Variants in NELFE observed in about 807,000 individuals in gnomAD.
The protein encoded by NELFE is negative elongation factor complex member E.
In NELFE, 26 loss-of-function variants were observed where a neutral mutation model predicts 55.5. That is an observed-to-expected ratio of 0.47 (90% confidence interval 0.34 to 0.65). NELFE has a LOEUF of 0.65. NELFE is among the 30% of genes least tolerant of loss of function. NELFE has a pLI of 0.01. For synonymous variants in NELFE, 162 were observed against 178.0 expected, an observed-to-expected ratio of 0.91 and a Z score of 0.72; for missense variants, 403 against 506.9, an observed-to-expected ratio of 0.80 and a Z score of 1.97.
In NELFE at chr6:31,952,320, T is replaced by C. The variant is rs1349319973; in HGVS notation, c.1124A>G (p.Asn375Ser). 5.0e-6 allele frequency: 8 copies of C among 1,613,404 alleles called. No individual in the cohort carries two copies. The South Asian group carries it at 8.8e-5, about 18-fold the overall frequency. The stretch of plus-strand genomic sequence containing the variant: ...TGTTCCCTAGAAGCCATCCACAAGG[T>C]TTTCCTTGTAGACGTCATCACTGTA... ...IVYSDDVYKENLVDGF is the reference protein window; with the variant it reads ...IVYSDDVYKESLVDGF The change falls in exon 11 of 11, where the codon AAC becomes AGC. Residue 375 changes from asparagine to serine, a missense_variant. Physicochemically the swap from Asn to Ser is conservative, Grantham distance 46 (BLOSUM62 1). Around this residue, in one of 3 missense-constraint regions of NELFE, gnomAD observed 77 missense variants for 123.3 expected, o/e 0.62. Transcript: ENST00000375429.
Position 31,958,432 on chromosome 6 carries a change from G to A in NELFE, c.15C>T (p.Pro5=). Residue 5 remains proline, a synonymous_variant, in exon 2 of 11, where the codon CCC becomes CCT. Transcript: ENST00000375429. The part of the protein sequence containing the change: MLVI[P]PGLSEEEEAL... ...CCTCCTCTTCCTCGCTCAGTCCGGG[G>A]GGTATCACCAACATGGTGGCTCCTA... The A allele has an allele frequency of 6.2e-7, 1 of 1,613,048 alleles. No individual in the cohort carries two copies. Among genetic ancestry groups the A allele is most frequent in the Non-Finnish European group, 8.5e-7 (1 of 1,180,002 alleles).
rs770758394 is a variant in NELFE at position 31,954,573 on chromosome 6, G to A, written c.724C>T (p.Arg242Ter). Residue 242 changes from arginine (R) to a stop codon, truncating the protein, a stop_gained, in exon 7 of 11, where the codon CGA (arginine) becomes TGA (stop). Coordinates refer to ENST00000375429, the MANE Select transcript of NELFE (RefSeq NM_002904.6). LOFTEE classifies it high-confidence loss of function. This position sits in a 1 kb window ranked among gnomAD's most constrained non-coding sequence, Gnocchi z 5.5. ...CACTCACTGCGGAAAGGACCCTCTC[G>A]GTCTCGGTCTCGATCCCGCTCCCGA... is the stretch of plus-strand genomic sequence containing the variant. ...RDRERDRDRD[R>*]EGPFRRSDSF... 3.8e-6 allele frequency: 6 copies of A among 1,592,942 alleles called. No homozygotes were observed. The highest frequency in any genetic ancestry group is 5.1e-6 in the Non-Finnish European group (6 of 1,175,928).
rs754599408 is a variant in NELFE, at chr6:31,954,459, C to A, written c.743-17G>T. ...AATCCGACCCTTTGGGAGCACAAAT[C>A]ATAGTCACAAGACATAGACCATGCC... On this transcript the variant is annotated splice_polypyrimidine_tract_variant and intron_variant, in intron 7 of 10. Coordinates refer to ENST00000375429, the MANE Select transcript of NELFE (RefSeq NM_002904.6). The surrounding 1 kb of genome is among the most constrained non-coding windows in gnomAD (Gnocchi z 5.5). 1.3e-6 allele frequency: 2 copies of A among 1,589,964 alleles called. No homozygotes were observed. Among genetic ancestry groups the A allele is most frequent in the South Asian group, 1.1e-5 (1 of 87,460 alleles).
chr6:31,954,225 C>A lies in NELFE; in HGVS notation c.887+73G>T. On this transcript the variant is annotated intron_variant, in intron 8 of 10. Transcript: ENST00000375429. This position sits in a 1 kb window ranked among gnomAD's most constrained non-coding sequence, Gnocchi z 5.5. ...TGATAATAGGCGGCTGCAGGGAGGG[C>A]AGCTTCTTCCCTCAGGTCTCACACC... 1.2e-6 allele frequency: 2 copies of A among 1,604,410 alleles called. No homozygotes were observed. The highest frequency in any genetic ancestry group is 1.3e-5 in the African/African-American group (1 of 74,752).
At chr6:31,953,974 C>T in intron 9 of NELFE, 106 bp downstream of exon 9, 7 of 1,389,200 alleles carry the variant, frequency 5.0e-6, no homozygotes, top group Non-Finnish European at 7.1e-6. Flanking sequence ...TAGGGAGAGG[C>T]TTTCTTTATC....
At position 31,954,049 on chromosome 6, in the gene NELFE, G is replaced by T; in HGVS notation, c.942+31C>A. On this transcript the variant is annotated intron_variant, in intron 9 of 10. Transcript: ENST00000375429. The surrounding 1 kb of genome is among the most constrained non-coding windows in gnomAD (Gnocchi z 5.5). ...GAGAACACATGAGAACAGCAGAAGC[G>T]ATGGGAAGAACAGATTTGGGAAGTT... The T allele has an allele frequency of 6.2e-7, 1 of 1,609,404 alleles. No homozygotes were observed. Among genetic ancestry groups the T allele is most frequent in the Non-Finnish European group, 8.5e-7 (1 of 1,176,778 alleles).
intron 2 of NELFE, chr6:31,957,332 T>C: frequency 1.7e-6 from 1 of 574,310 alleles, no homozygotes. Flanking sequence ...CCTGGAAGCT[T>C]CATCCATCTA....
chr6:31,954,390 A>G lies in NELFE; in HGVS notation c.795T>C (p.Tyr265=), dbSNP rs962539870. 2.5e-6 allele frequency: 4 copies of G among 1,612,710 alleles called. No individual in the cohort carries two copies. The highest frequency in any genetic ancestry group is 3.4e-6 in the Non-Finnish European group (4 of 1,179,468). Residue 265 remains tyrosine, a synonymous_variant, in exon 8 of 11, where the codon TAT becomes TAC. Coordinates refer to ENST00000375429, the MANE Select transcript of NELFE (RefSeq NM_002904.6). This position sits in a 1 kb window ranked among gnomAD's most constrained non-coding sequence, Gnocchi z 5.5. ...TGGGTGTCATGTCTTCTCCATATACATAGAGAGTATTCCCTTTCCTAGGGG... is the reference window on the plus strand; with the variant it reads ...TGGGTGTCATGTCTTCTCCATATACGTAGAGAGTATTCCCTTTCCTAGGGG... ...RRAPRKGNTL[Y]VYGEDMTPTL... is the part of the protein sequence containing the mutation.
chr6:31,954,229 T>C lies in NELFE; in HGVS notation c.887+69A>G, dbSNP rs1771929048. ...AATAGGCGGCTGCAGGGAGGGCAGCTTCTTCCCTCAGGTCTCACACCCCAG... is the reference window on the plus strand; with the variant it reads ...AATAGGCGGCTGCAGGGAGGGCAGCCTCTTCCCTCAGGTCTCACACCCCAG... On this transcript the variant is annotated intron_variant, in intron 8 of 10. Coordinates refer to ENST00000375429, the MANE Select transcript of NELFE (RefSeq NM_002904.6). This position sits in a 1 kb window ranked among gnomAD's most constrained non-coding sequence, Gnocchi z 5.5. The C allele has an allele frequency of 6.2e-7, 1 of 1,606,334 alleles. No individual in the cohort carries two copies. Among genetic ancestry groups the C allele is most frequent in the African/African-American group, 1.3e-5 (1 of 74,736 alleles).
In NELFE at chr6:31,954,596, C is replaced by T. The variant is rs780440637; in HGVS notation, c.701G>A (p.Arg234Gln). Residue 234 changes from arginine (R) to glutamine (Q), a missense_variant, in exon 7 of 11, where the codon CGG becomes CAG. This residue lies in a region of NELFE where 229 missense variants were observed against 228.3 expected (regional missense o/e 1.00). Coordinates refer to ENST00000375429, the MANE Select transcript of NELFE (RefSeq NM_002904.6). The surrounding 1 kb of genome is among the most constrained non-coding windows in gnomAD (Gnocchi z 5.5). ...TCGGTCTCGGTCTCGATCCCGCTCC[C>T]GATCCCTGTCCCGTTCCCGGTCTCG... ...RDRDRERDRDRERDRDRDREG... is the reference protein window; with the variant it reads ...RDRDRERDRDQERDRDRDREG... 7.6e-5 allele frequency: 121 copies of T among 1,592,414 alleles called. No individual in the cohort carries two copies. The highest frequency in any genetic ancestry group is 9.2e-5 in the Non-Finnish European group (108 of 1,169,880).
intron 2 of NELFE, among the ~76,000 whole-genome samples, chr6:31,957,976 G>C (rs1423382158): frequency 6.6e-6 from 1 of 152,250 alleles, no homozygotes; most frequent in Non-Finnish European, 1.5e-5. Context: ...AAATAGTGGG[G>C]AAGTCAGAGT....
At chr6:31,957,089 T>C in intron 2 of NELFE, 79 bp from the exon 3 acceptor site, 1 of 1,296,128 alleles carries the variant, frequency 7.7e-7, no homozygotes. Context: ...CCTGGGCACA[T>C]CACTCCAGGG....
At position 31,958,420 on chromosome 6, in the gene NELFE, G is replaced by T; in HGVS notation, c.27C>A (p.Ser9Arg). The T allele has an allele frequency of 6.2e-7, 1 of 1,612,986 alleles. No homozygotes were observed. The highest frequency in any genetic ancestry group is 1.1e-5 in the South Asian group (1 of 91,076). Residue 9 changes from serine (S) to arginine (R), a missense_variant, in exon 2 of 11, where the codon AGC becomes AGA. By Grantham distance (110) the Ser-to-Arg change is moderately radical (BLOSUM62 -1). Coordinates refer to ENST00000375429, the MANE Select transcript of NELFE (RefSeq NM_002904.6). MLVIPPGL[S>R]EEEEALQKKF... ...TCTTCTGCAGAGCCTCCTCTTCCTC[G>T]CTCAGTCCGGGGGGTATCACCAACA...
intron 1 of NELFE, chr6:31,958,685 T>C (rs1017003809): frequency 1.6e-5 from 11 of 703,094 alleles, no homozygotes; most frequent in Non-Finnish European, 2.9e-5. Context: ...AGGTACCATG[T>C]GGTTCAAGGA....
intron 4 of NELFE, 78 bp from the exon 5 acceptor site, chr6:31,955,371 A>T: frequency 1.0e-6 from 1 of 952,604 alleles, no homozygotes; most frequent in South Asian, 2.0e-5. Flanking sequence ...CTCTTCCCTC[A>T]CCCTCTTCTA....
chr6:31,954,698 C>T lies in NELFE; in HGVS notation c.599G>A (p.Arg200Gln), dbSNP rs773827974. Reference protein sequence around the residue: ...RSHERNRDRDRDRERDRDRDR... With the variant: ...RSHERNRDRDQDRERDRDRDR... ...CCGGTCTCGATCCCGCTCCCGATCTCGGTCTCTGTCCCGGTTCCTCTCATG... is the reference window on the plus strand; with the variant it reads ...CCGGTCTCGATCCCGCTCCCGATCTTGGTCTCTGTCCCGGTTCCTCTCATG... The change falls in exon 7 of 11, where the codon CGA (arginine) becomes CAA (glutamine). Residue 200 changes from arginine (R) to glutamine (Q), a missense_variant. Transcript: ENST00000375429. The surrounding 1 kb of genome is among the most constrained non-coding windows in gnomAD (Gnocchi z 5.5). The T allele has an allele frequency of 1.8e-5, 29 of 1,613,052 alleles. No homozygotes were observed. The highest frequency in any genetic ancestry group is 1.6e-4 in the Middle Eastern group (1 of 6,078).
intron 2 of NELFE, 24 bp from the exon 3 acceptor site, chr6:31,957,034 G>C: frequency 6.3e-7 from 1 of 1,579,872 alleles, no homozygotes; most frequent in East Asian, 2.3e-5. Flanking sequence ...TGAGAAGAGA[G>C]AGGTAAGTGA....
intron 1 of NELFE, 84 bp downstream of exon 1, chr6:31,958,808 G>T (rs893186171): frequency 5.9e-6 from 4 of 672,998 alleles, no homozygotes; most frequent in Non-Finnish European, 1.1e-5. Context: ...AGCCAGCGTA[G>T]CGCCCGCAGA....
In NELFE at chr6:31,952,201, G is replaced by A; in HGVS notation, c.*100C>T. On this transcript the variant is annotated 3_prime_UTR_variant, in exon 11 of 11. Coordinates refer to ENST00000375429, the MANE Select transcript of NELFE (RefSeq NM_002904.6). ...AGGTTTAACCCCAATCCCAAGTGCT[G>A]AAAAACCAGAGGCTGAGGGAGATGT... 1 of 1,426,248 alleles carries A rather than the reference G, an allele frequency of 7.0e-7. No individual in the cohort carries two copies. Among genetic ancestry groups the A allele is most frequent in the South Asian group, 1.2e-5 (1 of 81,820 alleles). 88.3% of individuals were successfully genotyped at this position (1,426,248 alleles called of 1,614,324 possible). A position where few individuals can be genotyped will look rare whatever the true frequency, so the allele number is the denominator to read the frequency against.
Sources: allele counts gnomAD v4.1 joint callset (sites outside exome capture counted in the v4.1 genomes callset), GRCh38; gene constraint gnomAD v4.1.1; regional missense constraint gnomAD v4.1.1; non-coding constraint Gnocchi (gnomAD v3.1); transcripts MANE v1.5; gene names NCBI Gene and HGNC (gene_info 2026-07-23, HGNC 2026-07-21).